NEDD4L: variants seen among roughly 807,000 people sequenced by gnomAD.
The protein encoded by NEDD4L is NEDD4 like E3 ubiquitin protein ligase, also known as E3 ubiquitin-protein ligase NEDD4-like.
NEDD4L carries 54 observed loss-of-function variants against 148.9 expected under a neutral mutation model. That is an observed-to-expected ratio of 0.36 (90% CI 0.29 to 0.45). The LOEUF is 0.45. NEDD4L is among the 20% of genes least tolerant of loss of function. The pLI is 1.00. For missense variants in NEDD4L, 856 were observed against 1,233.8 expected, an observed-to-expected ratio of 0.69 and a Z score of 4.59; for synonymous variants, 433 against 440.7, an observed-to-expected ratio of 0.98 and a Z score of 0.22.
chr18:58,253,482 A>ATG, intron 5 of NEDD4L, among the ~76,000 whole-genome samples: 1 of 152,356 alleles, frequency 6.6e-6, no homozygotes, highest in Non-Finnish European at 1.5e-5. Flanking sequence ...GCATCAAAGT[A>ATG]CTTTCTTGTG....
At chr18:58,241,340 C>G (rs1568458323) in intron 2 of NEDD4L, among the ~76,000 whole-genome samples, 2 of 152,154 alleles carry the variant, frequency 1.3e-5, no homozygotes, top group Non-Finnish European at 2.9e-5. Flanking sequence ...AGCCTGGGCT[C>G]CCTCTCCATC....
At chr18:58,134,701 A>ATTTCT (rs1334340525) in intron 1 of NEDD4L, among the ~76,000 whole-genome samples, 2 of 151,072 alleles carry the variant, frequency 1.3e-5, no homozygotes, top group African/African-American at 4.9e-5. Context: ...GAAAATCAGA[A>ATTTCT]TTTCTTTTCT....
chr18:58,281,277 T>C (rs951882299), intron 5 of NEDD4L, among the ~76,000 whole-genome samples: 1 of 151,652 alleles, frequency 6.6e-6, no homozygotes, highest in Admixed American at 6.6e-5. Flanking sequence ...TGTAAGCTGC[T>C]GTGCCCAGCC....
intron 14 of NEDD4L, 52 bp from the exon 15 acceptor site, chr18:58,341,626 A>G: frequency 1.3e-6 from 2 of 1,577,324 alleles, no homozygotes; most frequent in Non-Finnish European, 1.7e-6. Flanking sequence ...TCCTAATCAC[A>G]CACACCGGGA....
intron 5 of NEDD4L, among the ~76,000 whole-genome samples, chr18:58,268,008 C>T (rs892524562): frequency 8.6e-5 from 13 of 152,010 alleles, no homozygotes; most frequent in African/African-American, 2.4e-4. Flanking sequence ...GAAAATTGCT[C>T]TGCGCCTTCT....
chr18:58,161,130 C>T (rs2036153980), intron 1 of NEDD4L, among the ~76,000 whole-genome samples: 1 of 152,108 alleles, frequency 6.6e-6, no homozygotes, highest in Non-Finnish European at 1.5e-5. Flanking sequence ...GATTCTCCTG[C>T]CTCCATTCTC....
intron 24 of NEDD4L, among the ~76,000 whole-genome samples, chr18:58,373,722 C>A (rs562331120): frequency 6.6e-6 from 1 of 152,172 alleles, no homozygotes; most frequent in African/African-American, 2.4e-5. Context: ...TGGCAGGCTC[C>A]GGTTTTTCTA....
intron 5 of NEDD4L, among the ~76,000 whole-genome samples, chr18:58,310,413 G>T (rs951211400): frequency 6.6e-6 from 1 of 152,198 alleles, no homozygotes; most frequent in Admixed American, 6.5e-5. Context: ...TGGGTTTTGT[G>T]TTCTGGTGCA....
intron 26 of NEDD4L, among the ~76,000 whole-genome samples, chr18:58,386,654 C>T (rs754586092): frequency 1.3e-5 from 2 of 152,278 alleles, no homozygotes; most frequent in South Asian, 4.1e-4. Context: ...GTATTAGTTA[C>T]CTCAAAGATC....
At chr18:58,144,300 C>A (rs894798) in intron 1 of NEDD4L, among the ~76,000 whole-genome samples, 20,196 of 152,000 alleles carry the variant, frequency 0.13, 1,444 homozygotes, top group Middle Eastern at 0.24. Flanking sequence ...CCTCAGGAAG[C>A]TTCTAATCAT....
chr18:58,116,235 G>A (rs866186022), intron 1 of NEDD4L, among the ~76,000 whole-genome samples: 27 of 152,196 alleles, frequency 1.8e-4, no homozygotes, highest in African/African-American at 5.8e-4. Flanking sequence ...TTCTTGCCCT[G>A]TAAGCATTTT....
intron 2 of NEDD4L, among the ~76,000 whole-genome samples, chr18:58,201,994 C>T (rs1390160989): frequency 6.6e-6 from 1 of 152,168 alleles, no homozygotes; most frequent in African/African-American, 2.4e-5. Context: ...AAAAATAGCC[C>T]TGGGCATATG....
At chr18:58,217,688 T>C (rs1308373107) in intron 2 of NEDD4L, among the ~76,000 whole-genome samples, 1 of 152,162 alleles carries the variant, frequency 6.6e-6, no homozygotes, top group African/African-American at 2.4e-5. Flanking sequence ...GTAACAGATT[T>C]AGATATTGGA....
chr18:58,087,216 T>G (rs1413831541), intron 1 of NEDD4L, among the ~76,000 whole-genome samples: 1 of 152,216 alleles, frequency 6.6e-6, no homozygotes, highest in Admixed American at 6.5e-5. Flanking sequence ...AGCCATCTCC[T>G]TAGGTACATT....
intron 20 of NEDD4L, among the ~76,000 whole-genome samples, chr18:58,365,692 G>C (rs185020629): frequency 6.6e-6 from 1 of 152,156 alleles, no homozygotes; most frequent in African/African-American, 2.4e-5. Context: ...ACTGCCTTTC[G>C]GTTGCCCTAT....
intron 1 of NEDD4L, among the ~76,000 whole-genome samples, chr18:58,104,828 A>G (rs2084969189): frequency 6.6e-6 from 1 of 152,118 alleles, no homozygotes; most frequent in South Asian, 2.1e-4. Flanking sequence ...CTGCCTGTGC[A>G]CATGTATTTC....
intron 1 of NEDD4L, among the ~76,000 whole-genome samples, chr18:58,164,763 C>T (rs903736672): frequency 6.6e-6 from 1 of 152,250 alleles, no homozygotes; most frequent in Non-Finnish European, 1.5e-5. Context: ...GCCACCATGC[C>T]TGGCCCCTGG....
In NEDD4L at chr18:58,339,141, G is replaced by A. The variant is rs544528122; in HGVS notation, c.1126-1897G>A. Among the ~76,000 whole-genome samples the A allele has an allele frequency of 3.2e-4, 48 of 152,108 alleles. No individual in the cohort carries two copies. The South Asian group carries it at 9.6e-3, about 30-fold the overall frequency. ...GGCCAGGGGGAGTGGGGAGTTATGG[G>A]AGGGAAGGGGCCTGGGAGAGGGGGA... On this transcript the variant is annotated intron_variant, in intron 13 of 30. Transcript: ENST00000400345.
chr18:58,156,133 G>A (rs1270911489), intron 1 of NEDD4L, among the ~76,000 whole-genome samples: 1 of 152,172 alleles, frequency 6.6e-6, no homozygotes, highest in Middle Eastern at 3.2e-3. Context: ...TTCTTATGTA[G>A]TTCTTCTCTT....
Sources: allele counts gnomAD v4.1 joint callset (sites outside exome capture counted in the v4.1 genomes callset), GRCh38; gene constraint gnomAD v4.1.1; transcripts MANE v1.5; gene names NCBI Gene and HGNC (gene_info 2026-07-23, HGNC 2026-07-21).